BACH1: variants seen among roughly 807,000 people sequenced by gnomAD.
BACH1 encodes BTB domain and CNC homolog 1.
In BACH1, 35 loss-of-function variants were observed where a neutral mutation model predicts 52.9. That is an observed-to-expected ratio of 0.66 (90% CI 0.51 to 0.88). The LOEUF is 0.88. Among genes scored for constraint, BACH1 ranks in the 40% least tolerant of loss-of-function variants. The pLI, the probability that BACH1 is intolerant of heterozygous loss-of-function variation, is 0.00. For missense variants in BACH1, 808 were observed against 872.6 expected (o/e 0.93, Z 0.93); for synonymous variants, 321 against 319.6 (o/e 1.00, Z -0.05).
downstream of BACH1, among the ~76,000 whole-genome samples, chr21:29,349,152 A>G (rs1253767182): frequency 6.6e-6 from 1 of 152,020 alleles, no homozygotes; most frequent in Non-Finnish European, 1.5e-5. Flanking sequence ...TCAACTACAG[A>G]TGAACCACAT....
chr21:29,327,144 C>T lies in BACH1; in HGVS notation c.1320C>T (p.Ile440=). ...GGTCTGAGTGTCCGTGGTTAGGTAT[C>T]AGGATTAGTGAGAGCCCAGAACCAG... ...QKRSECPWLG[I]RISESPEPGQ... The change falls in exon 3 of 5, where the codon ATC becomes ATT. Residue 440 remains isoleucine, a synonymous_variant. Coordinates refer to ENST00000286800, the MANE Select transcript of BACH1 (RefSeq NM_001186.4). 1.2e-6 allele frequency: 2 copies of T among 1,614,210 alleles called. No individual in the cohort carries two copies. The highest frequency in any genetic ancestry group is 8.5e-7 in the Non-Finnish European group (1 of 1,180,040).
At chr21:29,304,825 C>G (rs922776410) in intron 1 of BACH1, among the ~76,000 whole-genome samples, 1 of 152,138 alleles carries the variant, frequency 6.6e-6, no homozygotes, top group Non-Finnish European at 1.5e-5. Flanking sequence ...TGCTTATTGC[C>G]TTATTCATTT....
chr21:29,330,305 C>T (rs1369206582), intron 4 of BACH1, among the ~76,000 whole-genome samples: 1 of 152,112 alleles, frequency 6.6e-6, no homozygotes, highest in African/African-American at 2.4e-5. Flanking sequence ...GCTGGGACTA[C>T]AGGCGCCTGC....
At chr21:29,336,642 T>G (rs1569020295) in intron 4 of BACH1, among the ~76,000 whole-genome samples, 1 of 152,100 alleles carries the variant, frequency 6.6e-6, no homozygotes, top group African/African-American at 2.4e-5. Flanking sequence ...TAAAAAGGAT[T>G]GTTCTTCCTT....
chr21:29,319,019 T>C (rs967331161), intron 1 of BACH1, among the ~76,000 whole-genome samples: 1 of 152,146 alleles, frequency 6.6e-6, no homozygotes, highest in African/African-American at 2.4e-5. Context: ...CTTTGTCTTA[T>C]TGGTCTTTTG....
At chr21:29,346,384 A>C (rs543580147), downstream of BACH1, among the ~76,000 whole-genome samples, 1 of 152,152 alleles carries the variant, frequency 6.6e-6, no homozygotes, top group Non-Finnish European at 1.5e-5. Flanking sequence ...AGGGACTCTT[A>C]AGGGGTATTA....
intron 3 of BACH1, 107 bp downstream of exon 3, chr21:29,327,500 T>G (rs2088928037): frequency 3.5e-6 from 5 of 1,428,198 alleles, no homozygotes; most frequent in Middle Eastern, 1.9e-4. Context: ...GTTCAGGGAG[T>G]GGGGAGGAAA....
intron 4 of BACH1, among the ~76,000 whole-genome samples, chr21:29,334,755 TC>T (rs1358095612): frequency 6.6e-6 from 1 of 152,234 alleles, no homozygotes. Flanking sequence ...ATTACTTTTG[TC>T]CATTATGATG....
At chr21:29,319,089 T>C (rs1327031183) in intron 1 of BACH1, among the ~76,000 whole-genome samples, 1 of 152,170 alleles carries the variant, frequency 6.6e-6, no homozygotes, top group Non-Finnish European at 1.5e-5. Flanking sequence ...ATTGGGATGA[T>C]AGAGGAGCAT....
intron 1 of BACH1, among the ~76,000 whole-genome samples, chr21:29,305,776 G>A (rs1238381388): frequency 6.6e-6 from 1 of 152,190 alleles, no homozygotes; most frequent in Non-Finnish European, 1.5e-5. Context: ...AGTGTATGTG[G>A]ACAGTAGGGT....
At chr21:29,348,580 G>A (rs75432552), downstream of BACH1, among the ~76,000 whole-genome samples, 1,017 of 152,270 alleles carry the variant, frequency 6.7e-3, 6 homozygotes, top group African/African-American at 0.023. Flanking sequence ...AATTTTGGCC[G>A]TATACACTGA....
At chr21:29,335,233 A>G (rs1316373132) in intron 4 of BACH1, among the ~76,000 whole-genome samples, 4 of 152,202 alleles carry the variant, frequency 2.6e-5, no homozygotes, top group Admixed American at 1.3e-4. Context: ...CAGTACCCAC[A>G]TTCCCCCGTT....
Position 29,327,327 on chromosome 21 carries a change from A to G in BACH1, c.1503A>G (p.Gly501=). 6.2e-7 allele frequency: 1 copy of G among 1,614,232 alleles called. No homozygotes were observed. Among genetic ancestry groups the G allele is most frequent in the Non-Finnish European group, 8.5e-7 (1 of 1,180,050 alleles). ...CATATGCTTGTGTCATTAGCTTGGGAGACGACTCTGAGACGGACACCGAAG... is the reference window on the plus strand; with the variant it reads ...CATATGCTTGTGTCATTAGCTTGGGGGACGACTCTGAGACGGACACCGAAG... The part of the protein sequence containing the change: ...PCPYACVISL[G]DDSETDTEGD... Residue 501 remains glycine (G), a synonymous_variant, in exon 3 of 5, where the codon GGA becomes GGG. Transcript: ENST00000286800.
At chr21:29,320,028 G>A (rs1271889755) in intron 1 of BACH1, among the ~76,000 whole-genome samples, 1 of 152,102 alleles carries the variant, frequency 6.6e-6, no homozygotes, top group Non-Finnish European at 1.5e-5. Context: ...CAGTGATTTC[G>A]TGTGGTATGC....
intron 4 of BACH1, among the ~76,000 whole-genome samples, chr21:29,332,808 C>T (rs116966529): frequency 2.6e-5 from 4 of 152,196 alleles, no homozygotes; most frequent in Admixed American, 2.6e-4. Flanking sequence ...GCTGAATTCA[C>T]TCAGGTATCC....
At chr21:29,315,286 T>G (rs2088773252) in intron 1 of BACH1, among the ~76,000 whole-genome samples, 1 of 152,072 alleles carries the variant, frequency 6.6e-6, no homozygotes, top group Non-Finnish European at 1.5e-5. Flanking sequence ...ACTGACTGGC[T>G]TAGGGGAGTT....
At chr21:29,320,090 T>C (rs529782542) in intron 1 of BACH1, among the ~76,000 whole-genome samples, 1 of 152,306 alleles carries the variant, frequency 6.6e-6, no homozygotes, top group South Asian at 2.1e-4. Context: ...ACTTCAGTAG[T>C]CCTTATTTCT....
intron 2 of BACH1, among the ~76,000 whole-genome samples, chr21:29,323,409 G>A (rs1289352583): frequency 6.6e-6 from 1 of 152,156 alleles, no homozygotes; most frequent in Admixed American, 6.5e-5. Context: ...TCGGCAAACC[G>A]CTGGTGTAAG....
At chr21:29,358,774 G>GAAAAGAAAAGA (rs150670774) in intron 2 of BACH1, among the ~76,000 whole-genome samples, 3 of 72,302 alleles carry the variant, frequency 4.1e-5, no homozygotes, top group African/African-American at 1.8e-4. Context: ...GAAAAGAAAA[G>GAAAAGAAAAGA]AAAGAAAGAA....
Sources: gnomAD v4.1 joint callset for allele counts (sites outside exome capture counted in the v4.1 genomes callset) on GRCh38, gnomAD v4.1.1 for gene constraint, MANE v1.5 for transcripts, NCBI Gene and HGNC (gene_info 2026-07-23, HGNC 2026-07-21) for gene names.